Variants in SPMIP11 observed in about 807,000 individuals in gnomAD.
SPMIP11 encodes long intergenic non-protein coding RNA 935.
chr12:48,761,445 CAAAA>C, the SPMIP11 span, among the ~76,000 whole-genome samples: 4 of 96,270 alleles, frequency 4.2e-5, no homozygotes, highest in Non-Finnish European at 9.5e-5. Flanking sequence ...AGCGAGACTC[CAAAA>C]AAAAAAAAAA....
chr12:48,758,119 G>A, the SPMIP11 span, among the ~76,000 whole-genome samples: 3 of 152,288 alleles, frequency 2.0e-5, no homozygotes, highest in South Asian at 2.1e-4. Context: ...AGTGAGCTAC[G>A]ATTGCACCAC....
chr12:48,756,771 C>CTTTCTTTTTTTTTTTTTTTTTT, the SPMIP11 span, among the ~76,000 whole-genome samples: 1 of 108,648 alleles, frequency 9.2e-6, no homozygotes, highest in Non-Finnish European at 2.4e-5. Context: ...ATTTTTTTTT[C>CTTTCTTTTTTTTTTTTTTTTTT]TTTTTTTCTT....
chr12:48,731,524 G>A, the SPMIP11 span, among the ~76,000 whole-genome samples: 4 of 151,858 alleles, frequency 2.6e-5, no homozygotes, highest in Non-Finnish European at 4.4e-5. Flanking sequence ...CTTCTCCCCA[G>A]CAAGTGGTTC....
the SPMIP11 span, chr12:48,770,943 G>T: frequency 6.2e-6 from 10 of 1,614,002 alleles, no homozygotes; most frequent in Non-Finnish European, 8.5e-6. Flanking sequence ...ATCTTTTCCA[G>T]CTGCCGGAAC....
At chr12:48,761,320 A>C in the SPMIP11 span, among the ~76,000 whole-genome samples, 1 of 151,900 alleles carries the variant, frequency 6.6e-6, no homozygotes, top group Non-Finnish European at 1.5e-5. Flanking sequence ...GCATAGTGGC[A>C]GGCGCCTGTA....
At chr12:48,729,901 C>T in the SPMIP11 span, among the ~76,000 whole-genome samples, 1 of 152,198 alleles carries the variant, frequency 6.6e-6, no homozygotes, top group Non-Finnish European at 1.5e-5. Context: ...CCCCTCCCAA[C>T]CCCAACTGGG....
the SPMIP11 span, among the ~76,000 whole-genome samples, chr12:48,750,160 T>C: frequency 6.6e-6 from 1 of 152,086 alleles, no homozygotes; most frequent in African/African-American, 2.4e-5. Context: ...TAGACCAGCC[T>C]GGGCAACAGA....
the SPMIP11 span, among the ~76,000 whole-genome samples, chr12:48,737,401 T>C: frequency 6.6e-6 from 1 of 151,668 alleles, no homozygotes; most frequent in Non-Finnish European, 1.5e-5. Context: ...TGAGAAATTT[T>C]ATTTTAATTT....
the SPMIP11 span, chr12:48,768,429 G>A: frequency 9.9e-7 from 1 of 1,012,210 alleles, no homozygotes; most frequent in Non-Finnish European, 1.5e-6. Context: ...TCCAGCTTGA[G>A]GGCAGACGAG....
chr12:48,729,187 G>A, the SPMIP11 span, among the ~76,000 whole-genome samples: 3 of 152,218 alleles, frequency 2.0e-5, no homozygotes, highest in Admixed American at 6.5e-5. Context: ...AGATCATGAA[G>A]TCAAGAGATC....
the SPMIP11 span, among the ~76,000 whole-genome samples, chr12:48,731,440 G>A: frequency 1.3e-5 from 2 of 151,750 alleles, no homozygotes; most frequent in Admixed American, 6.6e-5. Flanking sequence ...GCAGTGAGCC[G>A]AGATTGCGCC....
the SPMIP11 span, among the ~76,000 whole-genome samples, chr12:48,759,032 TTC>T: frequency 4.6e-5 from 7 of 152,310 alleles, no homozygotes; most frequent in Middle Eastern, 6.8e-3. Flanking sequence ...GATCACTGTG[TTC>T]TCTCTCCCTC....
chr12:48,759,816 AT>A, the SPMIP11 span, among the ~76,000 whole-genome samples: 29 of 151,524 alleles, frequency 1.9e-4, no homozygotes, highest in South Asian at 4.8e-3. Flanking sequence ...GAAAAAAAAA[AT>A]TTTTTTTTGA....
the SPMIP11 span, chr12:48,766,917 C>G: frequency 6.6e-6 from 1 of 152,346 alleles, no homozygotes; most frequent in African/African-American, 2.4e-5. Context: ...AAGGAGGTTG[C>G]AGGGAAAGGG....
chr12:48,749,863 T>C, the SPMIP11 span, among the ~76,000 whole-genome samples: 1 of 151,278 alleles, frequency 6.6e-6, no homozygotes, highest in East Asian at 2.0e-4. Context: ...AGCTAAGTTT[T>C]TGTATTTTTA....
chr12:48,732,540 C>A, the SPMIP11 span, among the ~76,000 whole-genome samples: 2 of 151,922 alleles, frequency 1.3e-5, no homozygotes, highest in African/African-American at 4.8e-5. Context: ...GAGGCCGAGG[C>A]GGGCAGATCT....
At chr12:48,737,967 G>T in the SPMIP11 span, among the ~76,000 whole-genome samples, 5 of 151,956 alleles carry the variant, frequency 3.3e-5, no homozygotes, top group Non-Finnish European at 5.9e-5. Flanking sequence ...GGGACTACAG[G>T]TGCAGGCTAC....
the SPMIP11 span, among the ~76,000 whole-genome samples, chr12:48,755,738 G>A: frequency 6.6e-6 from 1 of 152,100 alleles, no homozygotes; most frequent in African/African-American, 2.4e-5. Flanking sequence ...AACATCATCT[G>A]CCTGTACCCT....
At chr12:48,766,893 T>G in the SPMIP11 span, 2 of 152,234 alleles carry the variant, frequency 1.3e-5, no homozygotes, top group African/African-American at 4.8e-5. Flanking sequence ...CACCAACAAA[T>G]TCAGGCCAGA....
Sources: gnomAD v4.1 joint callset for allele counts (sites outside exome capture counted in the v4.1 genomes callset) on GRCh38, gnomAD v4.1.1 for gene constraint, MANE v1.5 for transcripts, NCBI Gene and HGNC (gene_info 2026-07-23, HGNC 2026-07-21) for gene names.